The following TAFA5 variants were observed in gnomAD, a reference collection of about 807,000 sequenced individuals.
TAFA5 encodes chemokine-like protein TAFA-5.
In TAFA5, 6 loss-of-function variants were observed where a neutral mutation model predicts 15.3. The ratio of observed to expected loss-of-function variants is 0.39; its 90% CI spans 0.21 to 0.77. TAFA5 has a LOEUF of 0.77. Ranked by LOEUF, TAFA5 falls within the 30% of genes least tolerant of loss-of-function variation. The pLI, the probability that TAFA5 is intolerant of heterozygous loss-of-function variation, is 0.41. For synonymous variants in TAFA5, 103 were observed against 80.7 expected (o/e 1.28, Z -1.48); for missense variants, 161 against 193.1 (o/e 0.83, Z 0.98).
chr22:48,693,232 C>G, intron 2 of TAFA5: 9 of 1,482,840 alleles, frequency 6.1e-6, no homozygotes, highest in Non-Finnish European at 8.2e-6. Flanking sequence ...AGCAGCCTGG[C>G]AGGATGAGTC....
At chr22:48,553,237 C>A (rs1922917759) in intron 1 of TAFA5, among the ~76,000 whole-genome samples, 1 of 152,182 alleles carries the variant, frequency 6.6e-6, no homozygotes, top group Admixed American at 6.5e-5. Flanking sequence ...CTGTGCCCCT[C>A]CTGCCTGGCT....
At chr22:48,635,306 CA>C in intron 1 of TAFA5, among the ~76,000 whole-genome samples, 1 of 152,252 alleles carries the variant, frequency 6.6e-6, no homozygotes, top group East Asian at 1.9e-4. Context: ...AAGCAGAGGC[CA>C]GGGGCCTGGG....
intron 3 of TAFA5, among the ~76,000 whole-genome samples, chr22:48,734,554 C>G (rs1307281167): frequency 6.6e-6 from 1 of 152,254 alleles, no homozygotes; most frequent in Non-Finnish European, 1.5e-5. Context: ...GTGAGCGGCT[C>G]TGGGCTTTGG....
At chr22:48,702,499 G>A (rs921065538) in intron 2 of TAFA5, among the ~76,000 whole-genome samples, 3 of 152,138 alleles carry the variant, frequency 2.0e-5, no homozygotes, top group Non-Finnish European at 4.4e-5. Context: ...GCTCCTACCG[G>A]CCCGGGGACA....
intron 1 of TAFA5, among the ~76,000 whole-genome samples, chr22:48,556,069 C>T (rs569229694): frequency 1.1e-4 from 17 of 152,284 alleles, no homozygotes; most frequent in South Asian, 2.1e-4. Flanking sequence ...AACCCCACTC[C>T]GGGAGGGGGA....
chr22:48,551,259 G>T (rs1922845516), intron 1 of TAFA5, among the ~76,000 whole-genome samples: 1 of 152,096 alleles, frequency 6.6e-6, no homozygotes, highest in African/African-American at 2.4e-5. Context: ...AAGGCAGGGA[G>T]CCCCCCAGGT....
At chr22:48,503,286 G>T (rs1015443516) in intron 1 of TAFA5, among the ~76,000 whole-genome samples, 4 of 152,244 alleles carry the variant, frequency 2.6e-5, no homozygotes, top group Non-Finnish European at 2.9e-5. Context: ...GAACACGTGA[G>T]TTGTGAAAAG....
chr22:48,539,922 T>G (rs1190028986), intron 1 of TAFA5, among the ~76,000 whole-genome samples: 3 of 151,544 alleles, frequency 2.0e-5, no homozygotes, highest in Non-Finnish European at 4.4e-5. Context: ...TGGGAGGGGA[T>G]GGGGCCTTGC....
At chr22:48,503,750 C>T (rs145021446) in intron 1 of TAFA5, among the ~76,000 whole-genome samples, 84 of 152,328 alleles carry the variant, frequency 5.5e-4, no homozygotes, top group African/African-American at 1.9e-3. Flanking sequence ...AAAGTGTTTT[C>T]GAACACGGGA....
At chr22:48,606,081 G>C (rs1925183691) in intron 1 of TAFA5, among the ~76,000 whole-genome samples, 1 of 152,194 alleles carries the variant, frequency 6.6e-6, no homozygotes, top group Non-Finnish European at 1.5e-5. Flanking sequence ...CCGGGCACCT[G>C]TCCTGCCACG....
chr22:48,711,022 G>C (rs1428372647), intron 3 of TAFA5, among the ~76,000 whole-genome samples: 1 of 152,204 alleles, frequency 6.6e-6, no homozygotes, highest in Non-Finnish European at 1.5e-5. Context: ...GGGAGACTCA[G>C]ATACTCTGAT....
chr22:48,534,202 G>A (rs866287896), intron 1 of TAFA5, among the ~76,000 whole-genome samples: 1 of 150,138 alleles, frequency 6.7e-6, no homozygotes, highest in Non-Finnish European at 1.5e-5. Flanking sequence ...TGGGGAGGCA[G>A]GCAGGTGAAA....
At chr22:48,542,677 T>G (rs796581019) in intron 1 of TAFA5, among the ~76,000 whole-genome samples, 3,258 of 40,472 alleles carry the variant, frequency 0.081, 106 homozygotes, top group East Asian at 0.096. Context: ...TGTGTGATGT[T>G]TGTGTGGTGT....
chr22:48,517,627 G>A lies in TAFA5; in HGVS notation c.112+27923G>A, dbSNP rs147220103. Among the ~76,000 whole-genome samples, 7 of 152,294 alleles carry A rather than the reference G, an allele frequency of 4.6e-5. No individual in the cohort carries two copies. In the East Asian group the frequency reaches 1.4e-3, roughly 29 times the overall value. ...CATCCGGGTTCTGATAGCCCGCCGG[G>A]CCCTGGGCCACCAGAGGCCTTGAAT... On this transcript the variant is annotated intron_variant, in intron 1 of 3. Transcript: ENST00000402357.
chr22:48,599,371 A>G (rs1427048133), intron 1 of TAFA5, among the ~76,000 whole-genome samples: 1 of 152,206 alleles, frequency 6.6e-6, no homozygotes, highest in Non-Finnish European at 1.5e-5. Context: ...AAGGGCTGGG[A>G]CAGAGACTGA....
chr22:48,589,390 G>T (rs1924477405), intron 1 of TAFA5, among the ~76,000 whole-genome samples: 1 of 152,102 alleles, frequency 6.6e-6, no homozygotes, highest in Admixed American at 6.5e-5. Flanking sequence ...GAGCCACCTG[G>T]AAACCAGGGT....
intron 1 of TAFA5, among the ~76,000 whole-genome samples, chr22:48,498,299 G>A (rs142831853): frequency 0.025 from 3,788 of 151,092 alleles, 164 homozygotes; most frequent in African/African-American, 0.087. Flanking sequence ...GCTGAAGAGT[G>A]GGCTGAGGGT....
intron 3 of TAFA5, among the ~76,000 whole-genome samples, chr22:48,747,131 T>C (rs932695913): frequency 1.3e-5 from 2 of 152,124 alleles, no homozygotes; most frequent in Admixed American, 1.3e-4. Context: ...TGCCCTGCCC[T>C]AATGCACTTT....
Position 48,668,710 on chromosome 22 carries a change from C to T in TAFA5, c.262+21964C>T, listed in dbSNP as rs1927703467. ...CCCAGCACTCGGGGCCGCGTTTTCA[C>T]TGGAAACTGTAGTCCCCCAGCACTC... On this transcript the variant is annotated intron_variant, in intron 2 of 3. Coordinates refer to ENST00000402357, the MANE Select transcript of TAFA5 (RefSeq NM_001082967.3). Among the ~76,000 whole-genome samples the T allele has an allele frequency of 1.3e-5, 2 of 151,872 alleles. 1 individual carries two copies. The highest frequency in any genetic ancestry group is 4.8e-5 in the African/African-American group (2 of 41,346).
Sources: gnomAD v4.1 joint callset for allele counts (sites outside exome capture counted in the v4.1 genomes callset) on GRCh38, gnomAD v4.1.1 for gene constraint, MANE v1.5 for transcripts, NCBI Gene and HGNC (gene_info 2026-07-23, HGNC 2026-07-21) for gene names.